The following NPAS3 variants were observed in gnomAD, a reference collection of about 807,000 sequenced individuals.
The protein encoded by NPAS3 is neuronal PAS domain protein 3, also known as neuronal PAS domain-containing protein 3.
A neutral mutation model predicts 73.1 loss-of-function variants in NPAS3; 14 were observed. That is an observed-to-expected ratio of 0.19 (90% confidence interval 0.13 to 0.30). NPAS3 has a LOEUF of 0.30. Among genes scored for constraint, NPAS3 ranks in the 10% least tolerant of loss-of-function variants. The pLI, the probability that NPAS3 is intolerant of heterozygous loss-of-function variation, is 1.00. For missense variants in NPAS3, 1,096 were observed against 1,250.0 expected, an observed-to-expected ratio of 0.88 and a Z score of 1.86; for synonymous variants, 620 against 541.5, an observed-to-expected ratio of 1.14 and a Z score of -2.01.
chr14:33,201,524 T>C (rs1396236324), intron 2 of NPAS3, among the ~76,000 whole-genome samples: 3 of 152,206 alleles, frequency 2.0e-5, no homozygotes, highest in African/African-American at 7.2e-5. Context: ...TTGAGATGAA[T>C]ATCTCAGCCC....
intron 6 of NPAS3, among the ~76,000 whole-genome samples, chr14:33,723,131 T>C (rs991283174): frequency 6.6e-6 from 1 of 152,144 alleles, no homozygotes; most frequent in Non-Finnish European, 1.5e-5. Context: ...CAGATTTTAC[T>C]TGAATTCTCA....
At chr14:33,524,486 C>A (rs1296463275) in intron 4 of NPAS3, among the ~76,000 whole-genome samples, 3 of 152,312 alleles carry the variant, frequency 2.0e-5, no homozygotes, top group African/African-American at 7.2e-5. Context: ...CACAGAATGA[C>A]TTGCTCCAGT....
intron 2 of NPAS3, among the ~76,000 whole-genome samples, chr14:33,072,957 A>G (rs1803231055): frequency 6.6e-6 from 1 of 152,126 alleles, no homozygotes; most frequent in Admixed American, 6.5e-5. Context: ...AATAATTGCC[A>G]CAACTTAAAA....
intron 5 of NPAS3, among the ~76,000 whole-genome samples, chr14:33,574,881 G>C (rs150264342): frequency 1.3e-5 from 2 of 152,296 alleles, no homozygotes; most frequent in South Asian, 2.1e-4. Flanking sequence ...TGAACTCATG[G>C]TGGCTCTCAC....
At chr14:33,144,897 A>G (rs1003289090) in intron 2 of NPAS3, among the ~76,000 whole-genome samples, 1 of 152,086 alleles carries the variant, frequency 6.6e-6, no homozygotes, top group Non-Finnish European at 1.5e-5. Flanking sequence ...CCTAGCCTTC[A>G]TGTGATTTTA....
At chr14:33,545,875 C>T (rs1283418577) in intron 4 of NPAS3, among the ~76,000 whole-genome samples, 5 of 152,152 alleles carry the variant, frequency 3.3e-5, no homozygotes, top group Non-Finnish European at 7.3e-5. Context: ...AGTGTATCTC[C>T]CTTGCTGAGG....
intron 3 of NPAS3, among the ~76,000 whole-genome samples, chr14:33,283,532 C>G (rs144622758): frequency 7.6e-4 from 116 of 152,286 alleles, no homozygotes; most frequent in African/African-American, 2.8e-3. Context: ...ACAAGTCTCA[C>G]GGAGGCATAG....
At chr14:33,388,586 T>C (rs572023359) in intron 4 of NPAS3, among the ~76,000 whole-genome samples, 3 of 152,018 alleles carry the variant, frequency 2.0e-5, no homozygotes, top group Non-Finnish European at 4.4e-5. Flanking sequence ...TATATTAAGT[T>C]ATATTAAGTT....
chr14:33,138,833 T>C (rs367735291), intron 2 of NPAS3, among the ~76,000 whole-genome samples: 1 of 152,218 alleles, frequency 6.6e-6, no homozygotes, highest in African/African-American at 2.4e-5. Flanking sequence ...TGACATGCAA[T>C]GGAACCTGAC....
chr14:33,206,702 C>T (rs2046834294), intron 2 of NPAS3, among the ~76,000 whole-genome samples: 1 of 152,058 alleles, frequency 6.6e-6, no homozygotes, highest in Non-Finnish European at 1.5e-5. Flanking sequence ...TATTAGGTTC[C>T]ATGATGTTCT....
Position 33,084,100 on chromosome 14 carries a change from T to C in NPAS3, c.140+28106T>C, listed in dbSNP as rs528314380. ...AGTATATCAAAAAGAGTGGGGTCTT[T>C]GGTGTAATCACATCACCCAAAATAA... On this transcript the variant is annotated intron_variant, in intron 2 of 11. Transcript: ENST00000356141. 2.4e-3 allele frequency among the ~76,000 whole-genome samples: 366 copies of C among 152,336 alleles called. 1 individual carries two copies. The highest frequency in any genetic ancestry group is 8.5e-3 in the African/African-American group (354 of 41,586).
intron 4 of NPAS3, among the ~76,000 whole-genome samples, chr14:33,549,956 A>G (rs1023331685): frequency 6.6e-6 from 1 of 152,178 alleles, no homozygotes; most frequent in African/African-American, 2.4e-5. Context: ...AGAAAATTCC[A>G]GTTTCTCTTT....
chr14:33,311,007 G>C (rs992202346), intron 3 of NPAS3, among the ~76,000 whole-genome samples: 1 of 152,160 alleles, frequency 6.6e-6, no homozygotes. Flanking sequence ...GGTTAGGTTT[G>C]TGCCACGTGG....
rs542699496 is a variant in NPAS3 at position 33,262,645 on chromosome 14, C to G, written c.385+47219C>G. Among the ~76,000 whole-genome samples the G allele has an allele frequency of 1.4e-4, 21 of 152,144 alleles. No homozygotes were observed. The East Asian group carries it at 3.5e-3, about 25-fold the overall frequency. ...TTAAATTGTAGATTCATCAACTCAA[C>G]AAGATGGTTCTTTTAATTTATAAAG... On this transcript the variant is annotated intron_variant, in intron 3 of 11. Coordinates refer to ENST00000356141, the Ensembl canonical transcript of NPAS3.
chr14:33,790,904 A>G (rs1472236358), intron 9 of NPAS3, among the ~76,000 whole-genome samples: 1 of 152,180 alleles, frequency 6.6e-6, no homozygotes. Context: ...CCTGGCCTCA[A>G]GTGATCCATC....
chr14:33,764,324 C>G (rs190923960), intron 7 of NPAS3, among the ~76,000 whole-genome samples: 1 of 151,918 alleles, frequency 6.6e-6, no homozygotes, highest in African/African-American at 2.4e-5. Context: ...TCAAGAGAAA[C>G]AAACAAAGAG....
chr14:33,379,553 C>T (rs907845201), intron 4 of NPAS3, among the ~76,000 whole-genome samples: 7 of 152,208 alleles, frequency 4.6e-5, no homozygotes, highest in South Asian at 2.1e-4. Flanking sequence ...CTAGGAATGA[C>T]GTGGAATAGG....
At chr14:33,774,429 G>A (rs140384278) in exon 8 of NPAS3, 253 of 1,614,108 alleles carry the variant, frequency 1.6e-4, no homozygotes, top group Non-Finnish European at 2.0e-4. Flanking sequence ...TGGTTGTTGC[G>A]CATGCCTTGC....
At chr14:33,567,756 C>A (rs1225106263) in intron 5 of NPAS3, among the ~76,000 whole-genome samples, 2 of 152,222 alleles carry the variant, frequency 1.3e-5, no homozygotes, top group African/African-American at 4.8e-5. Flanking sequence ...ATTTCTTTCT[C>A]TCCTCATGCT....
Sources: allele counts gnomAD v4.1 joint callset (sites outside exome capture counted in the v4.1 genomes callset), GRCh38; gene constraint gnomAD v4.1.1; transcripts MANE v1.5; gene names NCBI Gene and HGNC (gene_info 2026-07-23, HGNC 2026-07-21).